The following MAF variants were observed in gnomAD, a reference collection of about 807,000 sequenced individuals.
The protein encoded by MAF is MAF bZIP transcription factor.
MAF carries 10 observed loss-of-function variants against 22.0 expected under a neutral mutation model. The ratio of observed to expected loss-of-function variants is 0.45; its 90% CI spans 0.28 to 0.77. The LOEUF (loss-of-function observed/expected upper bound fraction) is 0.77. MAF is among the 30% of genes least tolerant of loss of function. The pLI is 0.12. For missense variants in MAF, 544 were observed against 548.4 expected, an observed-to-expected ratio of 0.99 and a Z score of 0.08; for synonymous variants, 337 against 255.8, an observed-to-expected ratio of 1.32 and a Z score of -3.03.
At chr16:79,261,401 C>T in the MAF span, among the ~76,000 whole-genome samples, 6 of 152,222 alleles carry the variant, frequency 3.9e-5, no homozygotes, top group African/African-American at 1.4e-4. Context: ...GATCCACCCG[C>T]CTCGGCCTCC....
At chr16:79,559,837 T>C in the MAF span, among the ~76,000 whole-genome samples, 1 of 152,204 alleles carries the variant, frequency 6.6e-6, no homozygotes, top group African/African-American at 2.4e-5. Flanking sequence ...CATGGATGCT[T>C]GAAAGTTCTC....
chr16:79,428,031 G>A, the MAF span, among the ~76,000 whole-genome samples: 1 of 148,804 alleles, frequency 6.7e-6, no homozygotes, highest in African/African-American at 2.5e-5. Context: ...GGTGGAGCTT[G>A]CAGTGAGCCG....
At chr16:79,301,627 A>T in the MAF span, among the ~76,000 whole-genome samples, 1,384 of 152,138 alleles carry the variant, frequency 9.1e-3, 6 homozygotes, top group Middle Eastern at 0.021. Context: ...GCATTTTATT[A>T]TATCTATGTG....
chr16:79,210,562 A>T, the MAF span, among the ~76,000 whole-genome samples: 1 of 152,142 alleles, frequency 6.6e-6, no homozygotes, highest in African/African-American at 2.4e-5. Context: ...CCTCTCTTGC[A>T]ACCCCTCTCC....
the MAF span, among the ~76,000 whole-genome samples, chr16:79,299,545 C>CT: frequency 6.6e-6 from 1 of 151,898 alleles, no homozygotes; most frequent in Non-Finnish European, 1.5e-5. Flanking sequence ...TTGACGGTTA[C>CT]TTTTTTTTCA....
chr16:79,342,735 A>G, the MAF span, among the ~76,000 whole-genome samples: 1 of 152,196 alleles, frequency 6.6e-6, no homozygotes, highest in Non-Finnish European at 1.5e-5. Flanking sequence ...ATTGACGCCT[A>G]CTAGAATTCT....
the MAF span, among the ~76,000 whole-genome samples, chr16:79,398,021 G>A: frequency 2.0e-5 from 3 of 152,198 alleles, no homozygotes; most frequent in Non-Finnish European, 2.9e-5. Context: ...TCTGACCTGG[G>A]TCTCGCTAGG....
At chr16:79,251,654 G>A in the MAF span, among the ~76,000 whole-genome samples, 2 of 152,078 alleles carry the variant, frequency 1.3e-5, no homozygotes, top group Non-Finnish European at 2.9e-5. Context: ...TTACTGATGG[G>A]AAAAGAAATC....
the MAF span, among the ~76,000 whole-genome samples, chr16:79,458,107 TAA>T: frequency 6.7e-5 from 9 of 133,846 alleles, no homozygotes; most frequent in African/African-American, 2.8e-4. Flanking sequence ...TTGGTATGTA[TAA>T]GTGTGTGTGT....
the MAF span, among the ~76,000 whole-genome samples, chr16:79,554,188 G>C: frequency 1.3e-5 from 2 of 152,178 alleles, no homozygotes; most frequent in Admixed American, 1.3e-4. Flanking sequence ...CTATGAGCTA[G>C]CAACTACACA....
At chr16:79,439,256 A>C in the MAF span, among the ~76,000 whole-genome samples, 7 of 141,378 alleles carry the variant, frequency 5.0e-5, no homozygotes, top group Admixed American at 2.8e-4. Flanking sequence ...GTAGGTACTT[A>C]CTTTTTTTTT....
chr16:79,263,648 G>A, the MAF span, among the ~76,000 whole-genome samples: 822 of 152,268 alleles, frequency 5.4e-3, 6 homozygotes, highest in African/African-American at 0.019. Flanking sequence ...GAAACCATAG[G>A]GTTTTTAAAC....
chr16:79,235,423 A>T, the MAF span, among the ~76,000 whole-genome samples: 2 of 152,078 alleles, frequency 1.3e-5, no homozygotes. Context: ...TTAGCTGGGC[A>T]TGGTGGCACA....
the MAF span, among the ~76,000 whole-genome samples, chr16:79,496,622 T>A: frequency 1.3e-5 from 2 of 152,232 alleles, no homozygotes; most frequent in Non-Finnish European, 2.9e-5. Flanking sequence ...GAGAATTCCA[T>A]ATGGATATAG....
chr16:79,268,553 G>C, the MAF span, among the ~76,000 whole-genome samples: 2 of 152,212 alleles, frequency 1.3e-5, no homozygotes, highest in Non-Finnish European at 2.9e-5. Context: ...CATTTCTGTA[G>C]TCGAACTAGG....
chr16:79,514,911 T>A, the MAF span, among the ~76,000 whole-genome samples: 2 of 152,216 alleles, frequency 1.3e-5, no homozygotes, highest in African/African-American at 4.8e-5. Context: ...CAAGCCCTTT[T>A]CTTCCACTAG....
the MAF span, chr16:79,212,751 A>AAAATAAAGCGCTTC: frequency 2.6e-5 from 4 of 152,344 alleles, no homozygotes; most frequent in African/African-American, 9.6e-5. Context: ...ATCTAGAGGA[A>AAAATAAAGCGCTTC]AAATAAAGCG....
the MAF span, among the ~76,000 whole-genome samples, chr16:79,263,153 G>A: frequency 1.3e-5 from 2 of 152,176 alleles, no homozygotes; most frequent in Admixed American, 1.3e-4. Flanking sequence ...GGCAGACACG[G>A]CCTCTCATTG....
downstream of MAF, among the ~76,000 whole-genome samples, chr16:79,589,698 C>G (rs993491017): frequency 2.6e-5 from 4 of 152,174 alleles, no homozygotes; most frequent in African/African-American, 9.7e-5. Context: ...GAGAGCGGCG[C>G]ACCGGGGAGT....
Sources: gnomAD v4.1 joint callset for allele counts (sites outside exome capture counted in the v4.1 genomes callset) on GRCh38, gnomAD v4.1.1 for gene constraint, MANE v1.5 for transcripts, NCBI Gene and HGNC (gene_info 2026-07-23, HGNC 2026-07-21) for gene names.